LRRC2: variants seen among roughly 807,000 people sequenced by gnomAD.
The protein encoded by LRRC2 is leucine rich repeat containing 2.
Under a neutral mutation model 40.2 loss-of-function variants are expected in LRRC2, and 27 were observed. The ratio of observed to expected loss-of-function variants is 0.67; its 90% CI spans 0.49 to 0.93. The LOEUF (loss-of-function observed/expected upper bound fraction) is 0.93. Among genes scored for constraint, LRRC2 ranks in the 40% least tolerant of loss-of-function variants. The pLI, the probability that LRRC2 is intolerant of heterozygous loss-of-function variation, is 0.00. For missense variants in LRRC2, 402 were observed against 439.6 expected (o/e 0.91, Z 0.76); for synonymous variants, 147 against 158.9 (o/e 0.92, Z 0.56).
In LRRC2 at chr3:46,545,692, T is replaced by C. The variant is rs553418401; in HGVS notation, c.126-439A>G. On this transcript the variant is annotated intron_variant, in intron 2 of 8. Coordinates refer to ENST00000395905, the MANE Select transcript of LRRC2 (RefSeq NM_024512.5). Reference sequence around the variant, plus strand: ...TTTATTCCTGTAGATGGACCTGAGGTCCACTCAGACACTGGAGCTGGCTGA... The same window carrying C: ...TTTATTCCTGTAGATGGACCTGAGGCCCACTCAGACACTGGAGCTGGCTGA... Among the ~76,000 whole-genome samples, 72 of 152,250 alleles carry C rather than the reference T, an allele frequency of 4.7e-4. 1 individual carries two copies. The highest frequency in any genetic ancestry group is 4.6e-3 in the Admixed American group (71 of 15,286).
At chr3:46,521,467 C>T in intron 8 of LRRC2, 55 bp downstream of exon 8, 3 of 1,345,826 alleles carry the variant, frequency 2.2e-6, no homozygotes, top group Non-Finnish European at 3.0e-6. Flanking sequence ...AAATGTATTA[C>T]ATAAGTGGAC....
intron 1 of LRRC2, among the ~76,000 whole-genome samples, chr3:46,554,523 T>C (rs982593423): frequency 2.0e-5 from 3 of 151,850 alleles, no homozygotes; most frequent in African/African-American, 7.3e-5. Flanking sequence ...TGCACACCTG[T>C]AGTCCCAGCT....
At chr3:46,520,837 G>A (rs1299266116) in intron 8 of LRRC2, among the ~76,000 whole-genome samples, 1 of 152,238 alleles carries the variant, frequency 6.6e-6, no homozygotes, top group Non-Finnish European at 1.5e-5. Flanking sequence ...AAAGGAGGCA[G>A]TGATTAGAAG....
chr3:46,532,216 A>T (rs141436324), intron 5 of LRRC2, among the ~76,000 whole-genome samples: 1 of 152,302 alleles, frequency 6.6e-6, no homozygotes, highest in East Asian at 1.9e-4. Flanking sequence ...TCAACAAGCA[A>T]AGCATTAAAT....
chr3:46,532,800 A>C lies in LRRC2; in HGVS notation c.600T>G (p.Asn200Lys). 6.8e-6 allele frequency: 11 copies of C among 1,613,670 alleles called. No individual in the cohort carries two copies. Among genetic ancestry groups the C allele is most frequent in the Non-Finnish European group, 9.3e-6 (11 of 1,179,792 alleles). Residue 200 changes from asparagine (N) to lysine (K), a missense_variant, in exon 5 of 9, where the codon AAT becomes AAG. Coordinates refer to ENST00000395905, the MANE Select transcript of LRRC2 (RefSeq NM_024512.5). ...CAAAGGGCAGCTCCATTAATTCTAG[A>C]TTTCCAGAACAATCCAGTCTCTCTA... Reference protein sequence around the residue: ...ENLERLDCSGNLELMELPFEL... With the variant: ...ENLERLDCSGKLELMELPFEL...
rs896273227 is a variant in LRRC2 at position 46,545,345 on chromosome 3, C to T, written c.126-92G>A. 17 of 1,074,344 alleles carry T rather than the reference C, an allele frequency of 1.6e-5. No individual in the cohort carries two copies. In the African/African-American group the frequency reaches 2.5e-4, roughly 16 times the overall value. 66.6% of individuals were successfully genotyped at this position (1,074,344 alleles called of 1,614,324 possible). On this transcript the variant is annotated intron_variant, in intron 2 of 8. Transcript: ENST00000395905. ...AGTCAGCCACCTGGGCATAGGTGCT[C>T]TCCTTGTCATTCCCAGGCCTACGTA...
At chr3:46,555,168 CA>C (rs1415886128) in intron 1 of LRRC2, among the ~76,000 whole-genome samples, 4 of 152,080 alleles carry the variant, frequency 2.6e-5, no homozygotes, top group African/African-American at 9.6e-5. Flanking sequence ...ATATAATTTG[CA>C]AAAAATTTCT....
chr3:46,519,141 A>ATT, intron 8 of LRRC2, 78 bp from the exon 9 acceptor site: 2 of 950,082 alleles, frequency 2.1e-6, no homozygotes, highest in Non-Finnish European at 3.5e-6. Context: ...TGACATACAT[A>ATT]ATGAATGTAT....
chr3:46,535,520 GA>G, intron 4 of LRRC2, among the ~76,000 whole-genome samples: 1 of 152,198 alleles, frequency 6.6e-6, no homozygotes, highest in East Asian at 1.9e-4. Flanking sequence ...TTCAACTAGA[GA>G]ATTTTAGAGG....
intron 7 of LRRC2, among the ~76,000 whole-genome samples, chr3:46,525,086 CTTT>C (rs11284933): frequency 3.4e-5 from 4 of 117,578 alleles, no homozygotes; most frequent in Admixed American, 9.3e-5. Context: ...CTTTTTTTTT[CTTT>C]TTTTTTTTTT....
At chr3:46,543,739 C>T (rs1219066121) in intron 3 of LRRC2, among the ~76,000 whole-genome samples, 1 of 152,062 alleles carries the variant, frequency 6.6e-6, no homozygotes, top group Non-Finnish European at 1.5e-5. Context: ...ACTGGACACC[C>T]TTACAGGGTA....
At position 46,518,707 on chromosome 3, in the gene LRRC2, T is replaced by C; in HGVS notation, c.*307A>G. 4.2e-6 allele frequency: 1 copy of C among 239,842 alleles called. No individual in the cohort carries two copies. Among genetic ancestry groups the C allele is most frequent in the Non-Finnish European group, 7.9e-6 (1 of 126,268 alleles). 14.9% of individuals were successfully genotyped at this position (239,842 alleles called of 1,614,324 possible). ...AAAACAATGCACTTAACTTCAGTAT[T>C]TGGTCTTTTAGTTATAATTCTTAAA... is the stretch of plus-strand genomic sequence containing the variant. On this transcript the variant is annotated 3_prime_UTR_variant, in exon 9 of 9. Transcript: ENST00000395905.
At chr3:46,557,616 T>C (rs773973476) in intron 1 of LRRC2, 1 of 152,212 alleles carries the variant, frequency 6.6e-6, no homozygotes, top group African/African-American at 2.4e-5. Flanking sequence ...TTCCAATTAG[T>C]TCTTTATATC....
chr3:46,521,752 C>G, intron 7 of LRRC2, 94 bp from the exon 8 acceptor site: 2 of 1,274,514 alleles, frequency 1.6e-6, no homozygotes, highest in African/African-American at 1.5e-5. Context: ...ATCCCAAGTT[C>G]TGGCTTACCT....
At chr3:46,523,061 A>G (rs1422205419) in intron 7 of LRRC2, among the ~76,000 whole-genome samples, 3 of 151,804 alleles carry the variant, frequency 2.0e-5, no homozygotes, top group Non-Finnish European at 4.4e-5. Context: ...TTCCCACTTC[A>G]TTTTCCTTTT....
chr3:46,548,241 T>C (rs1267744851), intron 2 of LRRC2, among the ~76,000 whole-genome samples: 2 of 152,134 alleles, frequency 1.3e-5, no homozygotes, highest in African/African-American at 2.4e-5. Context: ...AAAAAGAAAA[T>C]TAGATGTACC....
chr3:46,519,921 G>A (rs1005377187), intron 8 of LRRC2, among the ~76,000 whole-genome samples: 10 of 152,030 alleles, frequency 6.6e-5, no homozygotes, highest in South Asian at 2.1e-4. Flanking sequence ...TATCTAGGTC[G>A]AAACATTAAA....
At chr3:46,536,899 T>C (rs1411416041) in intron 4 of LRRC2, among the ~76,000 whole-genome samples, 1 of 152,202 alleles carries the variant, frequency 6.6e-6, no homozygotes, top group African/African-American at 2.4e-5. Flanking sequence ...ACATATTAAA[T>C]GGAGCACCTC....
In LRRC2 at chr3:46,549,228, CT is replaced by C. The variant is rs377590121; in HGVS notation, c.125+2238del. 1.5e-4 allele frequency among the ~76,000 whole-genome samples: 23 copies of C among 152,182 alleles called. 1 individual carries two copies. The South Asian group carries it at 4.8e-3, about 32-fold the overall frequency. ...AAATTTAAATTAACCAAATAGTTGC[CT>C]TTTATAATCAGGCAGGCATTAATTT... On this transcript the variant is annotated intron_variant, in intron 2 of 8. Coordinates refer to ENST00000395905, the MANE Select transcript of LRRC2 (RefSeq NM_024512.5).
Sources: gnomAD v4.1 joint callset for allele counts (sites outside exome capture counted in the v4.1 genomes callset) on GRCh38, gnomAD v4.1.1 for gene constraint, MANE v1.5 for transcripts, NCBI Gene and HGNC (gene_info 2026-07-23, HGNC 2026-07-21) for gene names.